The following ZNF609 variants were observed in gnomAD, a reference collection of about 807,000 sequenced individuals.
ZNF609 encodes the protein zinc finger protein 609.
ZNF609 carries 11 observed loss-of-function variants against 109.5 expected under a neutral mutation model. The ratio of observed to expected loss-of-function variants is 0.10; its 90% confidence interval spans 0.06 to 0.17. The LOEUF (loss-of-function observed/expected upper bound fraction) is 0.17. ZNF609 is among the 10% of genes least tolerant of loss of function. The probability of loss-of-function intolerance (pLI) is 1.00; values close to 1 mark genes in which losing one functional copy is unlikely to be tolerated. For synonymous variants in ZNF609, 646 were observed against 662.0 expected, an observed-to-expected ratio of 0.98 and a Z score of 0.37; for missense variants, 1,559 against 1,772.4, an observed-to-expected ratio of 0.88 and a Z score of 2.16.
At position 64,577,380 on chromosome 15, in the gene ZNF609, T is replaced by C. The variant is rs1421561312; in HGVS notation, c.748-45447T>C. 2.6e-4 allele frequency among the ~76,000 whole-genome samples: 5 copies of C among 19,378 alleles called. 2 individuals are homozygous for C. Among genetic ancestry groups the C allele is most frequent in the South Asian group, 1.9e-3 (3 of 1,548 alleles). The allele number at this position is 19,378 out of a possible 152,430, so 12.7% of individuals were successfully genotyped here. On this transcript the variant is annotated intron_variant, in intron 2 of 9. Coordinates refer to ENST00000326648, the MANE Select transcript of ZNF609 (RefSeq NM_015042.2). ...ACACATATATGTATATATATACACA[T>C]ATAAATATATACACATATATGTATA...
At chr15:64,606,002 G>A (rs1230491972) in intron 2 of ZNF609, among the ~76,000 whole-genome samples, 6 of 138,992 alleles carry the variant, frequency 4.3e-5, no homozygotes, top group Non-Finnish European at 7.6e-5. Context: ...TGATCCACCC[G>A]CCTCGGCCTC....
intron 2 of ZNF609, among the ~76,000 whole-genome samples, chr15:64,608,003 A>G (rs1895641635): frequency 1.4e-5 from 2 of 145,222 alleles, no homozygotes; most frequent in South Asian, 2.2e-4. Flanking sequence ...GATTCAAGCA[A>G]TTCTCCTGCC....
chr15:64,510,449 C>T (rs1282516605), intron 2 of ZNF609, among the ~76,000 whole-genome samples: 1 of 151,812 alleles, frequency 6.6e-6, no homozygotes, highest in African/African-American at 2.4e-5. Flanking sequence ...AAGTGATTCC[C>T]CCTGCCTCAG....
At chr15:64,492,767 A>T (rs911171465) in intron 1 of ZNF609, among the ~76,000 whole-genome samples, 3 of 152,200 alleles carry the variant, frequency 2.0e-5, no homozygotes, top group Non-Finnish European at 4.4e-5. Flanking sequence ...TAATGAGAAA[A>T]TACTTAATGA....
intron 3 of ZNF609, among the ~76,000 whole-genome samples, chr15:64,641,012 T>G (rs1896244599): frequency 6.6e-6 from 1 of 152,202 alleles, no homozygotes; most frequent in African/African-American, 2.4e-5. Context: ...GTTATTCCAC[T>G]TTGGCCTTCT....
At chr15:64,585,964 G>C (rs1895188554) in intron 2 of ZNF609, among the ~76,000 whole-genome samples, 1 of 152,120 alleles carries the variant, frequency 6.6e-6, no homozygotes, top group Admixed American at 6.5e-5. Context: ...TCCCACCTCA[G>C]CCTCCCGAGT....
At position 64,576,822 on chromosome 15, in the gene ZNF609, C is replaced by CA. The variant is rs57802165; in HGVS notation, c.748-45983dup. Among the ~76,000 whole-genome samples the CA allele has an allele frequency of 5.4e-3, 428 of 79,878 alleles. 10 individuals are homozygous for CA. The highest frequency in any genetic ancestry group is 0.018 in the African/African-American group (368 of 19,944). The allele number at this position is 79,878 out of a possible 152,430, so 52.4% of individuals were successfully genotyped here. ...TGGGAGACAGAGCGAGACTCCATCT[C>CA]AAAAAAAAAAAAAAAAAAAAAAGAA... On this transcript the variant is annotated intron_variant, in intron 2 of 9. Coordinates refer to ENST00000326648, the MANE Select transcript of ZNF609 (RefSeq NM_015042.2).
chr15:64,529,205 G>A (rs1469138829), intron 2 of ZNF609: 2 of 730,024 alleles, frequency 2.7e-6, no homozygotes, highest in Non-Finnish European at 5.0e-6. Context: ...GCGCTAAGCA[G>A]TTGGTGATGC....
chr15:64,476,290 C>CA (rs36013169), intron 1 of ZNF609, among the ~76,000 whole-genome samples: 104,243 of 145,460 alleles, frequency 0.72, 39,733 homozygotes, highest in East Asian at 0.94. Flanking sequence ...CAAAATAGAC[C>CA]AAAAAAAAAA....
rs151012262 is a variant in ZNF609, at chr15:64,471,826, G to A, written c.-128+10988G>A. Among the ~76,000 whole-genome samples the A allele has an allele frequency of 6.0e-3, 914 of 151,912 alleles. 1 individual carries two copies. Among genetic ancestry groups the A allele is most frequent in the Admixed American group, 0.015 (234 of 15,236 alleles). ...TCGAACTCCCAAACTTAGGTGATCC[G>A]CCAACCTCGGCCTCCCAAAGTGCTG... On this transcript the variant is annotated intron_variant, in intron 1 of 9. Transcript: ENST00000326648.
intron 2 of ZNF609, among the ~76,000 whole-genome samples, chr15:64,581,006 C>T (rs547830668): frequency 5.0e-4 from 60 of 119,688 alleles, no homozygotes; most frequent in Non-Finnish European, 9.2e-4. Context: ...CTCTGTTGCC[C>T]AGACAATTTT....
At chr15:64,651,160 A>G (rs1896410501) in intron 3 of ZNF609, among the ~76,000 whole-genome samples, 1 of 152,116 alleles carries the variant, frequency 6.6e-6, no homozygotes, top group Middle Eastern at 3.2e-3. Flanking sequence ...GCCTGGTCCT[A>G]TTTACTTTCA....
chr15:64,538,630 T>TCCG (rs1437784699), intron 2 of ZNF609, among the ~76,000 whole-genome samples: 2 of 152,164 alleles, frequency 1.3e-5, no homozygotes, highest in Admixed American at 1.3e-4. Flanking sequence ...CACCGCAACC[T>TCCG]CCGCCTCCTG....
At chr15:64,660,384 G>C (rs753261142) in intron 3 of ZNF609, among the ~76,000 whole-genome samples, 1 of 152,110 alleles carries the variant, frequency 6.6e-6, no homozygotes, top group Non-Finnish European at 1.5e-5. Context: ...CTATGTCAGG[G>C]ATTATTAGCA....
chr15:64,486,468 G>A (rs1893335297), intron 1 of ZNF609, among the ~76,000 whole-genome samples: 1 of 149,756 alleles, frequency 6.7e-6, no homozygotes, highest in African/African-American at 2.5e-5. Context: ...AGGTTTCAGT[G>A]AGCTGAGATC....
At chr15:64,492,012 C>G (rs1204663731) in intron 1 of ZNF609, among the ~76,000 whole-genome samples, 7 of 152,092 alleles carry the variant, frequency 4.6e-5, no homozygotes, top group Non-Finnish European at 8.8e-5. Flanking sequence ...AAGGCCAACA[C>G]AGGCAGATCA....
chr15:64,527,965 A>G (rs1420749905), intron 2 of ZNF609, among the ~76,000 whole-genome samples: 1 of 152,186 alleles, frequency 6.6e-6, no homozygotes, highest in Non-Finnish European at 1.5e-5. Flanking sequence ...TTCTCTTTAC[A>G]GCATATTCTT....
intron 2 of ZNF609, among the ~76,000 whole-genome samples, chr15:64,561,269 T>C (rs190757122): frequency 3.8e-4 from 58 of 152,340 alleles, no homozygotes; most frequent in African/African-American, 1.2e-3. Flanking sequence ...CTTACTACTT[T>C]CTGATATTGT....
At chr15:64,549,608 A>G (rs1894430183) in intron 2 of ZNF609, among the ~76,000 whole-genome samples, 1 of 152,202 alleles carries the variant, frequency 6.6e-6, no homozygotes, top group Admixed American at 6.5e-5. Flanking sequence ...CCAAGGTTAC[A>G]TTGGCAGAGC....
Sources: allele counts gnomAD v4.1 joint callset (sites outside exome capture counted in the v4.1 genomes callset), GRCh38; gene constraint gnomAD v4.1.1; transcripts MANE v1.5; gene names NCBI Gene and HGNC (gene_info 2026-07-23, HGNC 2026-07-21).